DLGAP4: variants seen among roughly 807,000 people sequenced by gnomAD.
DLGAP4 encodes the protein disks large-associated protein 4.
In DLGAP4, 18 loss-of-function variants were observed where a neutral mutation model predicts 86.9. The observed-to-expected ratio is 0.21, with a 90% CI of 0.14 to 0.31. The LOEUF is 0.31. Among genes scored for constraint, DLGAP4 ranks in the 10% least tolerant of loss-of-function variants. DLGAP4 has a pLI of 1.00. For missense variants in DLGAP4, 1,085 were observed against 1,362.6 expected, an observed-to-expected ratio of 0.80 and a Z score of 3.21; for synonymous variants, 548 against 574.3, an observed-to-expected ratio of 0.95 and a Z score of 0.65.
rs220080 is a variant in DLGAP4, at chr20:36,528,343, G to C, written c.*1312G>C. On this transcript the variant is annotated 3_prime_UTR_variant, in exon 13 of 13. Coordinates refer to ENST00000339266, the MANE Select transcript of DLGAP4 (RefSeq NM_001365621.2). ...GGCGGGGTAGGGGAGGGCAGGGGCT[G>C]AGCCCCGAAGCCAGCTCAGTACCTG... 0.89 allele frequency: 136,461 copies of C among 152,650 alleles called. 61,296 individuals are homozygous for C. Among genetic ancestry groups the C allele is most frequent in the African/African-American group, 0.98 (40,467 of 41,494 alleles). The allele number at this position is 152,650 out of a possible 1,614,324, so 9.5% of individuals were successfully genotyped here.
At chr20:36,366,447 G>A (rs912419345) in intron 1 of DLGAP4, among the ~76,000 whole-genome samples, 2 of 152,208 alleles carry the variant, frequency 1.3e-5, no homozygotes, top group Admixed American at 6.5e-5. Flanking sequence ...GCTTCCCTCC[G>A]CTCTCACACG....
chr20:36,523,167 C>T (rs964021177), intron 10 of DLGAP4, among the ~76,000 whole-genome samples: 7 of 152,174 alleles, frequency 4.6e-5, no homozygotes, highest in African/African-American at 9.7e-5. Flanking sequence ...TCACCACAGC[C>T]TCTGCCTCCC....
chr20:36,468,096 G>A (rs1175650268), intron 7 of DLGAP4, among the ~76,000 whole-genome samples: 1 of 152,200 alleles, frequency 6.6e-6, no homozygotes, highest in Non-Finnish European at 1.5e-5. Flanking sequence ...GATCCTGAAG[G>A]TCAGGGTGCC....
intron 2 of DLGAP4, among the ~76,000 whole-genome samples, chr20:36,394,246 G>A (rs757119317): frequency 2.0e-5 from 3 of 152,108 alleles, no homozygotes; most frequent in Non-Finnish European, 2.9e-5. Context: ...ACCGTTATCC[G>A]CCCGTGTGGT....
intron 2 of DLGAP4, among the ~76,000 whole-genome samples, chr20:36,406,121 G>A (rs1420552834): frequency 2.0e-5 from 3 of 152,136 alleles, no homozygotes; most frequent in Non-Finnish European, 2.9e-5. Flanking sequence ...CTTGAAGGCC[G>A]GGCGCGGTGG....
intron 7 of DLGAP4, among the ~76,000 whole-genome samples, chr20:36,457,292 C>T (rs1273335768): frequency 2.6e-5 from 4 of 151,862 alleles, no homozygotes; most frequent in Non-Finnish European, 5.9e-5. Context: ...GATCTTGGCT[C>T]ACTGCAACCT....
In DLGAP4 at chr20:36,431,762, C is replaced by G. The variant is rs772535410; in HGVS notation, c.45C>G (p.Ser15Arg). The change falls in exon 3 of 13, where the codon AGC (serine) becomes AGG (arginine). Residue 15 changes from serine to arginine, a missense_variant. Transcript: ENST00000339266. This position sits in a 1 kb window ranked among gnomAD's most constrained non-coding sequence, Gnocchi z 5.1. ...GCCGCCCCCGCCACCTCTCCGACAG[C>G]CTAGACCCACCCCACGAGCCCCTGT... ...GDSRPRHLSDSLDPPHEPLFA... is the reference protein window; with the variant it reads ...GDSRPRHLSDRLDPPHEPLFA... The G allele has an allele frequency of 6.2e-7, 1 of 1,611,746 alleles. No homozygotes were observed. Among genetic ancestry groups the G allele is most frequent in the South Asian group, 1.1e-5 (1 of 90,802 alleles).
At chr20:36,519,433 C>T (rs1484241251) in intron 10 of DLGAP4, among the ~76,000 whole-genome samples, 1 of 151,962 alleles carries the variant, frequency 6.6e-6, no homozygotes, top group Non-Finnish European at 1.5e-5. Flanking sequence ...TGTCTGTGTG[C>T]GTGCGTGTGC....
At chr20:36,346,309 G>C (rs1412208566) in intron 1 of DLGAP4, among the ~76,000 whole-genome samples, 4 of 152,228 alleles carry the variant, frequency 2.6e-5, no homozygotes, top group Non-Finnish European at 2.9e-5. Context: ...CATAGCCATT[G>C]TGCTGACCAT....
At chr20:36,359,449 G>A (rs1263991093) in intron 1 of DLGAP4, among the ~76,000 whole-genome samples, 4 of 152,226 alleles carry the variant, frequency 2.6e-5, no homozygotes, top group African/African-American at 7.2e-5. Context: ...TTGAAAATCC[G>A]TGCCCATGTG....
chr20:36,369,685 G>A (rs1435643509), intron 2 of DLGAP4, among the ~76,000 whole-genome samples: 3 of 152,192 alleles, frequency 2.0e-5, no homozygotes, highest in Non-Finnish European at 2.9e-5. Flanking sequence ...TTTCTGAGGG[G>A]CCAGCAGTGA....
intron 12 of DLGAP4, 49 bp downstream of exon 12, chr20:36,526,055 C>T (rs748667333): frequency 6.8e-6 from 11 of 1,612,544 alleles, no homozygotes; most frequent in Admixed American, 1.7e-5. Context: ...AATTCCTGGT[C>T]GGCAATAACG....
At position 36,429,096 on chromosome 20, in the gene DLGAP4, T is replaced by C. The variant is rs564317969; in HGVS notation, c.-72-2550T>C. Among the ~76,000 whole-genome samples, 8 of 152,334 alleles carry C rather than the reference T, an allele frequency of 5.3e-5. No homozygotes were observed. The South Asian group carries it at 1.7e-3, about 32-fold the overall frequency. Reference sequence around the variant, plus strand: ...TATTTATTTATTTATGTATTTATTTTTGAGACAGAGTCTCACTCTGTTGCC... The same window carrying C: ...TATTTATTTATTTATGTATTTATTTCTGAGACAGAGTCTCACTCTGTTGCC... On this transcript the variant is annotated intron_variant, in intron 2 of 12. Coordinates refer to ENST00000339266, the MANE Select transcript of DLGAP4 (RefSeq NM_001365621.2).
intron 4 of DLGAP4, among the ~76,000 whole-genome samples, 157 bp downstream of exon 4, chr20:36,436,507 G>C (rs2033284290): frequency 6.6e-6 from 1 of 151,780 alleles, no homozygotes; most frequent in African/African-American, 2.4e-5. Flanking sequence ...CCTGCTTCTT[G>C]AGAGAACCCC....
At chr20:36,384,108 G>A (rs2031509864) in intron 2 of DLGAP4, among the ~76,000 whole-genome samples, 1 of 152,208 alleles carries the variant, frequency 6.6e-6, no homozygotes, top group African/African-American at 2.4e-5. Context: ...CTCAGCATGG[G>A]GGAAGGGGAT....
chr20:36,527,375 C>T lies in DLGAP4; in HGVS notation c.*344C>T. 5.2e-6 allele frequency: 1 copy of T among 190,728 alleles called. No individual in the cohort carries two copies. Among genetic ancestry groups the T allele is most frequent in the South Asian group, 1.2e-4 (1 of 8,014 alleles). 11.8% of individuals were successfully genotyped at this position (190,728 alleles called of 1,614,324 possible). A position where few individuals can be genotyped will look rare whatever the true frequency, so the allele number is the denominator to read the frequency against. ...TTACTCGTTCTATCTGATGAGAACT[C>T]ACACTAGCTTGTTTACAAGATGACG... On this transcript the variant is annotated 3_prime_UTR_variant, in exon 13 of 13. Transcript: ENST00000339266.
At chr20:36,352,827 G>A (rs968864333) in intron 1 of DLGAP4, among the ~76,000 whole-genome samples, 62 of 152,214 alleles carry the variant, frequency 4.1e-4, no homozygotes, top group African/African-American at 1.4e-3. Context: ...CTTCAGGCAG[G>A]GAGGTGTGGG....
At chr20:36,421,481 G>A (rs142889181) in intron 2 of DLGAP4, among the ~76,000 whole-genome samples, 176 of 151,820 alleles carry the variant, frequency 1.2e-3, no homozygotes, top group Non-Finnish European at 2.1e-3. Flanking sequence ...GAGAGAATAG[G>A]TTTTAGTCCA....
At chr20:36,436,057 C>A in intron 3 of DLGAP4, 52 bp from the exon 4 acceptor site, 1 of 1,498,042 alleles carries the variant, frequency 6.7e-7, no homozygotes. Context: ...GGGTTCTCGC[C>A]ATCTGCTCAT....
Sources: allele counts gnomAD v4.1 joint callset (sites outside exome capture counted in the v4.1 genomes callset), GRCh38; gene constraint gnomAD v4.1.1; non-coding constraint Gnocchi (gnomAD v3.1); transcripts MANE v1.5; gene names NCBI Gene and HGNC (gene_info 2026-07-23, HGNC 2026-07-21).